Variants in TRIM37 observed in about 807,000 individuals in gnomAD.
TRIM37 encodes E3 ubiquitin-protein ligase TRIM37.
Under a neutral mutation model 129.8 loss-of-function variants are expected in TRIM37, and 80 were observed. The ratio of observed to expected loss-of-function variants is 0.62; its 90% CI spans 0.51 to 0.74. The LOEUF is 0.74. TRIM37 is among the 30% of genes least tolerant of loss of function. The pLI, the probability that TRIM37 is intolerant of heterozygous loss-of-function variation, is 0.00. For missense variants in TRIM37, 1,054 were observed against 1,176.5 expected (o/e 0.90, Z 1.52); for synonymous variants, 389 against 387.1 (o/e 1.00, Z -0.06).
At chr17:59,100,409 T>C (rs8078926) in intron 2 of TRIM37, among the ~76,000 whole-genome samples, 49,827 of 152,040 alleles carry the variant, frequency 0.33, 8,801 homozygotes, top group Middle Eastern at 0.49. Context: ...GAATACTACT[T>C]AGCAATAAAA....
chr17:59,094,340 C>T (rs2044667616), intron 2 of TRIM37, among the ~76,000 whole-genome samples: 1 of 152,112 alleles, frequency 6.6e-6, no homozygotes, highest in Non-Finnish European at 1.5e-5. Flanking sequence ...AGCATTCCCC[C>T]TCATTCAATT....
At chr17:59,106,346 C>T in intron 1 of TRIM37, 95 bp downstream of exon 1, 1 of 1,472,728 alleles carries the variant, frequency 6.8e-7, no homozygotes, top group Non-Finnish European at 9.4e-7. Context: ...GGTAGGGGTG[C>T]CCTACTGGAG....
intron 2 of TRIM37, among the ~76,000 whole-genome samples, chr17:59,098,910 G>A (rs776321099): frequency 7.2e-4 from 110 of 152,170 alleles, no homozygotes; most frequent in Middle Eastern, 3.4e-3. Context: ...TAGGCTAGGC[G>A]CGGTGGCTCA....
chr17:59,102,666 G>T (rs914731053), intron 2 of TRIM37, among the ~76,000 whole-genome samples: 2 of 152,198 alleles, frequency 1.3e-5, no homozygotes, highest in African/African-American at 2.4e-5. Context: ...CTTAGTTTTA[G>T]AAGTATGAGA....
intron 20 of TRIM37, among the ~76,000 whole-genome samples, chr17:59,016,619 A>G (rs1357546822): frequency 2.1e-5 from 3 of 146,236 alleles, no homozygotes; most frequent in Non-Finnish European, 4.5e-5. Context: ...AAAAAAAAAA[A>G]AAAAAAAAAA....
chr17:59,017,958 G>T (rs923200857), intron 19 of TRIM37, among the ~76,000 whole-genome samples: 1 of 152,250 alleles, frequency 6.6e-6, no homozygotes, highest in South Asian at 2.1e-4. Context: ...TTATCTGTGA[G>T]CTCCTTAAGA....
chr17:59,100,829 C>A lies in TRIM37; in HGVS notation c.123+3464G>T, dbSNP rs576027368. 7.4e-4 allele frequency among the ~76,000 whole-genome samples: 112 copies of A among 152,152 alleles called. 2 individuals are homozygous for A. In the South Asian group the frequency reaches 0.022, roughly 30 times the overall value. On this transcript the variant is annotated intron_variant, in intron 2 of 23. Transcript: ENST00000262294. ...CCTGAGGTCAGGAGTTTGAGACCAACCTGACCAACATGGTGAAACCCTGTT... is the reference window on the plus strand; with the variant it reads ...CCTGAGGTCAGGAGTTTGAGACCAAACTGACCAACATGGTGAAACCCTGTT...
At chr17:59,012,556 A>T (rs1598883667) in intron 21 of TRIM37, 110 bp from the exon 22 acceptor site, 2 of 760,116 alleles carry the variant, frequency 2.6e-6, no homozygotes, top group East Asian at 2.5e-5. Context: ...CTGGTGCTTA[A>T]TACTAAATTT....
Position 59,057,008 on chromosome 17 carries a change from T to A in TRIM37, c.1066A>T (p.Thr356Ser). 1 of 1,613,852 alleles carries A rather than the reference T, an allele frequency of 6.2e-7. No individual in the cohort carries two copies. The highest frequency in any genetic ancestry group is 8.5e-7 in the Non-Finnish European group (1 of 1,179,904). The change falls in exon 13 of 24, where the codon ACA becomes TCA. Residue 356 changes from threonine to serine, a missense_variant. By Grantham distance (58) the Thr-to-Ser change is moderately conservative. This residue lies in a region of TRIM37 where 752 missense variants were observed against 870.8 expected (regional missense o/e 0.86). Coordinates refer to ENST00000262294, the MANE Select transcript of TRIM37 (RefSeq NM_015294.6). ...GCAAATTCTCGAATGATATTTTTTG[T>A]AGGATCATTACAGGACTGGTGAACC... ...EMVHQSCNDP[T>S]KNIIREFASD...
At chr17:58,983,788 A>C (rs895363431) in intron 24 of TRIM37, 4 of 152,786 alleles carry the variant, frequency 2.6e-5, no homozygotes, top group African/African-American at 9.6e-5. Flanking sequence ...GGTCTGCATC[A>C]ATCTGTTTGC....
At chr17:59,000,052 C>T (rs1009515980) in intron 23 of TRIM37, among the ~76,000 whole-genome samples, 1 of 152,126 alleles carries the variant, frequency 6.6e-6, no homozygotes, top group East Asian at 1.9e-4. Flanking sequence ...GTTGTCACTC[C>T]AGGATATCTT....
chr17:59,044,378 T>C (rs1345556151), intron 16 of TRIM37, among the ~76,000 whole-genome samples: 4 of 151,842 alleles, frequency 2.6e-5, no homozygotes, highest in South Asian at 2.1e-4. Context: ...CTGGTCAACA[T>C]TGCAAAACCC....
intron 24 of TRIM37, among the ~76,000 whole-genome samples, chr17:58,992,328 T>A (rs1188314322): frequency 6.8e-6 from 1 of 146,094 alleles, no homozygotes; most frequent in Admixed American, 6.9e-5. Context: ...TGTAAATATA[T>A]ATATATATAT....
At chr17:58,984,534 C>T in intron 24 of TRIM37, 1 of 152,606 alleles carries the variant, frequency 6.6e-6, no homozygotes. Context: ...ACAGTTTTGT[C>T]CACACTTTAA....
At chr17:58,985,282 A>C (rs182675705) in intron 24 of TRIM37, 2 of 152,732 alleles carry the variant, frequency 1.3e-5, no homozygotes, top group Non-Finnish European at 2.9e-5. Context: ...GATGGACGTT[A>C]AGTTTGGAAG....
At chr17:58,975,428 G>A in the TRIM37 span, among the ~76,000 whole-genome samples, 1 of 152,142 alleles carries the variant, frequency 6.6e-6, no homozygotes, top group Non-Finnish European at 1.5e-5. Context: ...CCTGAGCCCA[G>A]GATTTTGAGA....
intron 17 of TRIM37, among the ~76,000 whole-genome samples, chr17:59,032,798 T>C (rs2038035510): frequency 6.6e-6 from 1 of 152,052 alleles, no homozygotes; most frequent in African/African-American, 2.4e-5. Flanking sequence ...TTACAAAGAA[T>C]TAGACACCAA....
chr17:59,100,043 C>A (rs537728684), intron 2 of TRIM37, among the ~76,000 whole-genome samples: 1 of 152,240 alleles, frequency 6.6e-6, no homozygotes, highest in South Asian at 2.1e-4. Flanking sequence ...TTCAGGTGAT[C>A]CATCCACTTC....
intron 16 of TRIM37, among the ~76,000 whole-genome samples, chr17:59,043,758 G>C (rs544286622): frequency 6.6e-6 from 1 of 152,238 alleles, no homozygotes; most frequent in African/African-American, 2.4e-5. Context: ...AGCCTGAAAA[G>C]GAAAGAACTA....
Sources: allele counts gnomAD v4.1 joint callset (sites outside exome capture counted in the v4.1 genomes callset), GRCh38; gene constraint gnomAD v4.1.1; regional missense constraint gnomAD v4.1.1; transcripts MANE v1.5; gene names NCBI Gene and HGNC (gene_info 2026-07-23, HGNC 2026-07-21).